The following TMC6 variants were observed in gnomAD, a reference collection of about 807,000 sequenced individuals.
The protein encoded by TMC6 is transmembrane channel-like protein 6.
Under a neutral mutation model 95.4 loss-of-function variants are expected in TMC6, and 71 were observed. That is an observed-to-expected ratio of 0.74 (90% CI 0.61 to 0.91). The LOEUF (loss-of-function observed/expected upper bound fraction) is 0.91, where lower values mean the gene tolerates loss of function less well. Among genes scored for constraint, TMC6 ranks in the 40% least tolerant of loss-of-function variants. The pLI, the probability that TMC6 is intolerant of heterozygous loss-of-function variation, is 0.00. For synonymous variants in TMC6, 514 were observed against 483.1 expected, an observed-to-expected ratio of 1.06 and a Z score of -0.84; for missense variants, 1,074 against 1,079.1, an observed-to-expected ratio of 1.00 and a Z score of 0.07.
chr17:78,111,473 G>T lies in TMC6; in HGVS notation c.*1675C>A, dbSNP rs2073823682. ...GATAGGGGCTGGAAACCCTACGTCG[G>T]TCCCTGTGGACTGTCACGTCACTTT... On this transcript the variant is annotated 3_prime_UTR_variant, in exon 20 of 20. Transcript: ENST00000590602. 1 of 152,398 alleles carries T rather than the reference G, an allele frequency of 6.6e-6. No homozygotes were observed. Among genetic ancestry groups the T allele is most frequent in the African/African-American group, 2.4e-5 (1 of 41,470 alleles). 9.4% of individuals were successfully genotyped at this position (152,398 alleles called of 1,614,324 possible). A position where few individuals can be genotyped will look rare whatever the true frequency, so the allele number is the denominator to read the frequency against.
chr17:78,131,643 G>A (rs2074971381), upstream of TMC6: 2 of 1,558,740 alleles, frequency 1.3e-6, no homozygotes, highest in African/African-American at 2.7e-5. Context: ...GCCGGAGCCG[G>A]AGGAGCTGTG....
upstream of TMC6, chr17:78,131,848 ACT>A (rs757978131): frequency 1.6e-5 from 24 of 1,471,060 alleles, no homozygotes; most frequent in East Asian, 5.8e-4. Flanking sequence ...AGGGCGGGTG[ACT>A]CAGGGGCGCC....
rs1023606619 is a variant in TMC6 at position 78,121,197 on chromosome 17, C to T, written c.1384-33G>A. 1 of 1,558,470 alleles carries T rather than the reference C, an allele frequency of 6.4e-7. No homozygotes were observed. Among genetic ancestry groups the T allele is most frequent in the Non-Finnish European group, 8.7e-7 (1 of 1,153,296 alleles). Reference sequence around the variant, plus strand: ...GGTGCAGGGAGCGGTGTCATGGAAGCCCCCCATCCATGGTGGGAGCGGGCA... The same window carrying T: ...GGTGCAGGGAGCGGTGTCATGGAAGTCCCCCATCCATGGTGGGAGCGGGCA... On this transcript the variant is annotated intron_variant, in intron 11 of 19. Transcript: ENST00000590602. This position sits in a 1 kb window ranked among gnomAD's most constrained non-coding sequence, Gnocchi z 5.6.
chr17:78,116,532 C>T (rs1187297193), intron 18 of TMC6, among the ~76,000 whole-genome samples: 2 of 152,080 alleles, frequency 1.3e-5, no homozygotes, highest in Non-Finnish European at 2.9e-5. Context: ...CTTGGCCTCC[C>T]AAAGCATTGG....
At position 78,121,791 on chromosome 17, in the gene TMC6, A is replaced by G. The variant is rs2074428536; in HGVS notation, c.1228-80T>C. 4 of 1,483,452 alleles carry G rather than the reference A, an allele frequency of 2.7e-6. No individual in the cohort carries two copies. Among genetic ancestry groups the G allele is most frequent in the Non-Finnish European group, 3.6e-6 (4 of 1,113,196 alleles). The allele number at this position is 1,483,452 out of a possible 1,614,324, so 91.9% of individuals were successfully genotyped here. A position where few individuals can be genotyped will look rare whatever the true frequency, so the allele number is the denominator to read the frequency against. On this transcript the variant is annotated intron_variant, in intron 10 of 19. Coordinates refer to ENST00000590602, the MANE Select transcript of TMC6 (RefSeq NM_001127198.5). The surrounding 1 kb of genome is among the most constrained non-coding windows in gnomAD (Gnocchi z 5.6). ...CGTGCAGACACAGCACAACACACAC[A>G]ACACACATGAGACACACCAGGAGGC...
At chr17:78,115,675 C>T (rs1209906436) in intron 18 of TMC6, among the ~76,000 whole-genome samples, 36 of 115,392 alleles carry the variant, frequency 3.1e-4, no homozygotes, top group Non-Finnish European at 5.0e-4. Flanking sequence ...AGGGAGTGGG[C>T]ACAGGGGCGA....
Position 78,121,242 on chromosome 17 carries a change from G to T in TMC6, c.1384-78C>A. 6.5e-7 allele frequency: 1 copy of T among 1,537,330 alleles called. No homozygotes were observed. Among genetic ancestry groups the T allele is most frequent in the Non-Finnish European group, 8.7e-7 (1 of 1,145,074 alleles). ...CGGGCAGCTACAGGGAAGGGCCCGG[G>T]GTGGAACTGGCAGGTAGCACCTCCC... On this transcript the variant is annotated intron_variant, in intron 11 of 19. Transcript: ENST00000590602. The surrounding 1 kb of genome is among the most constrained non-coding windows in gnomAD (Gnocchi z 5.6).
Position 78,115,002 on chromosome 17 carries a change from T to G in TMC6, c.2278-1378A>C, listed in dbSNP as rs1156278645. 6.6e-5 allele frequency among the ~76,000 whole-genome samples: 10 copies of G among 152,312 alleles called. No individual in the cohort carries two copies. The South Asian group carries it at 1.0e-3, about 16-fold the overall frequency. On this transcript the variant is annotated intron_variant, in intron 18 of 19. Coordinates refer to ENST00000590602, the MANE Select transcript of TMC6 (RefSeq NM_001127198.5). The stretch of plus-strand genomic sequence containing the variant: ...TACCTGGCCCCTGGGGGCTCTGAAA[T>G]GCCACCCAGTAGGGCAGGAGCCATT...
intron 13 of TMC6, chr17:78,120,085 G>T: frequency 2.9e-6 from 1 of 350,632 alleles, no homozygotes; most frequent in South Asian, 2.3e-5. Context: ...ATGTTCCTCC[G>T]CTGTCTGTTC....
upstream of TMC6, chr17:78,131,701 G>A (rs1014727491): frequency 1.8e-5 from 28 of 1,581,720 alleles, no homozygotes; most frequent in Non-Finnish European, 2.4e-5. Context: ...CCCGTGCGCG[G>A]GCTGCCCTAT....
At chr17:78,116,459 G>C (rs1417821440) in intron 18 of TMC6, among the ~76,000 whole-genome samples, 1 of 151,940 alleles carries the variant, frequency 6.6e-6, no homozygotes, top group African/African-American at 2.4e-5. Context: ...TTTTTATAGA[G>C]ACGAGGTTTC....
rs1461632492 is a variant in TMC6 at position 78,120,877 on chromosome 17, C to T, written c.1536-45G>A. ...AAGGCTGAGGGGCGGGTACAGGGGA[C>T]AGAAGATGCACCCCAGGGCCCCCAC... is the stretch of plus-strand genomic sequence containing the variant. On this transcript the variant is annotated intron_variant, in intron 12 of 19. Transcript: ENST00000590602. The T allele has an allele frequency of 1.9e-6, 3 of 1,610,698 alleles. No homozygotes were observed. The South Asian group carries it at 3.3e-5, about 18-fold the overall frequency.
Position 78,112,245 on chromosome 17 carries a change from C to T in TMC6, c.*903G>A, listed in dbSNP as rs1434698640. 1.1e-5 allele frequency: 3 copies of T among 280,304 alleles called. No individual in the cohort carries two copies. The highest frequency in any genetic ancestry group is 2.1e-5 in the Non-Finnish European group (3 of 143,478). 17.4% of individuals were successfully genotyped at this position (280,304 alleles called of 1,614,324 possible). A position where few individuals can be genotyped will look rare whatever the true frequency, so the allele number is the denominator to read the frequency against. On this transcript the variant is annotated 3_prime_UTR_variant, in exon 20 of 20. Transcript: ENST00000590602. ...ACTGAGGCTGACGGGCTGGTCCCCG[C>T]AGGCCTGGAGCCCTGGGCTGTGATG... is the stretch of plus-strand genomic sequence containing the variant.
intron 6 of TMC6, 33 bp downstream of exon 6, chr17:78,125,125 A>G: frequency 1.9e-6 from 3 of 1,551,384 alleles, no homozygotes; most frequent in Non-Finnish European, 1.7e-6. Context: ...GGGGCGCAGC[A>G]GCGGCGGCAT....
chr17:78,118,389 A>G (rs552072620), intron 15 of TMC6, among the ~76,000 whole-genome samples: 6 of 152,222 alleles, frequency 3.9e-5, no homozygotes, highest in African/African-American at 1.4e-4. Flanking sequence ...CCCCATCTCT[A>G]CTAAAAATAC....
chr17:78,118,878 G>A (rs2074264912), intron 15 of TMC6, 93 bp downstream of exon 15: 1 of 1,383,628 alleles, frequency 7.2e-7, no homozygotes. Flanking sequence ...AGGTGGGGAG[G>A]GTTCTAGTGT....
intron 18 of TMC6, among the ~76,000 whole-genome samples, 161 bp downstream of exon 18, chr17:78,117,108 C>G (rs1315638742): frequency 1.3e-5 from 2 of 152,188 alleles, no homozygotes; most frequent in East Asian, 3.9e-4. Context: ...TACTTCGTCA[C>G]TTGATCTGAA....
chr17:78,117,735 C>T, intron 16 of TMC6, 67 bp downstream of exon 16: 3 of 1,569,936 alleles, frequency 1.9e-6, no homozygotes, highest in South Asian at 2.3e-5. Flanking sequence ...AAGCCTTGGG[C>T]CCCCCAGGCA....
intron 18 of TMC6, among the ~76,000 whole-genome samples, chr17:78,114,139 C>T (rs1479290195): frequency 1.3e-5 from 2 of 152,216 alleles, no homozygotes; most frequent in Non-Finnish European, 2.9e-5. Flanking sequence ...ATCAGGGCTA[C>T]ATTCCTCCCG....
Sources: allele counts gnomAD v4.1 joint callset (sites outside exome capture counted in the v4.1 genomes callset), GRCh38; gene constraint gnomAD v4.1.1; non-coding constraint Gnocchi (gnomAD v3.1); transcripts MANE v1.5; gene names NCBI Gene and HGNC (gene_info 2026-07-23, HGNC 2026-07-21).